LPL: variants seen among roughly 807,000 people sequenced by gnomAD.
The protein encoded by LPL is phospholipase A1.
LPL carries 43 observed loss-of-function variants against 52.2 expected under a neutral mutation model. The observed-to-expected ratio is 0.82, with a 90% CI of 0.64 to 1.06. The LOEUF is 1.06. LPL is among the 50% of genes least tolerant of loss of function. LPL has a pLI of 0.00. For missense variants in LPL, 639 were observed against 585.3 expected (o/e 1.09, Z -0.95); for synonymous variants, 244 against 215.6 (o/e 1.13, Z -1.15).
chr8:19,951,779 T>A lies in LPL; in HGVS notation c.260T>A (p.Met87Lys). ...MVIHGWTVTG[M>K]YESWVPKLVA... ...TGTCATCATCTTCAGGTAACAGGAA[T>A]GTATGAGAGTTGGGTGCCAAAACTT... The change falls in exon 3 of 10, where the codon ATG (methionine) becomes AAG (lysine). Residue 87 changes from methionine (M) to lysine (K), a missense_variant. Met to Lys is a moderately conservative substitution (Grantham distance 95, BLOSUM62 -1). Transcript: ENST00000650287. 3.7e-6 allele frequency: 6 copies of A among 1,614,154 alleles called. No individual in the cohort carries two copies. The highest frequency in any genetic ancestry group is 2.2e-5 in the East Asian group (1 of 44,872).
At chr8:19,948,986 T>A (rs1428729666) in intron 2 of LPL, among the ~76,000 whole-genome samples, 2 of 151,122 alleles carry the variant, frequency 1.3e-5, no homozygotes, top group African/African-American at 4.9e-5. Context: ...TGCCAGATGA[T>A]TAGAAAAAGT....
At position 19,953,438 on chromosome 8, in the gene LPL, G is replaced by A. The variant is rs373687308; in HGVS notation, c.541+17G>A. On this transcript the variant is annotated intron_variant, in intron 4 of 9. Coordinates refer to ENST00000650287, the MANE Select transcript of LPL (RefSeq NM_000237.3). ...GAATTACTGGTAAGAAAGCAATTTC[G>A]TTGGTCTTATCATAAGAGGTGAAAA... is the stretch of plus-strand genomic sequence containing the variant. The A allele has an allele frequency of 6.3e-5, 99 of 1,582,534 alleles. 1 individual carries two copies. Among genetic ancestry groups the A allele is most frequent in the South Asian group, 5.0e-4 (45 of 90,460 alleles).
chr8:19,951,682 T>C, intron 2 of LPL, 87 bp from the exon 3 acceptor site: 1 of 1,464,488 alleles, frequency 6.8e-7, no homozygotes, highest in South Asian at 1.1e-5. Flanking sequence ...AGTTTGTTTT[T>C]TCCATTTCAT....
At chr8:19,947,999 G>A (rs1318094299) in intron 1 of LPL, among the ~76,000 whole-genome samples, 181 bp from the exon 2 acceptor site, 2 of 152,202 alleles carry the variant, frequency 1.3e-5, no homozygotes, top group East Asian at 1.9e-4. Context: ...TTGTCTCTCT[G>A]TCAACTTTGC....
intron 1 of LPL, among the ~76,000 whole-genome samples, chr8:19,942,787 G>A (rs114624068): frequency 1.2e-4 from 18 of 152,172 alleles, no homozygotes; most frequent in Admixed American, 4.6e-4. Flanking sequence ...GCCATTTTAA[G>A]ATTGTCTGTG....
chr8:19,955,225 A>G (rs1049998559), intron 5 of LPL, among the ~76,000 whole-genome samples: 7 of 152,214 alleles, frequency 4.6e-5, no homozygotes, highest in Admixed American at 1.3e-4. Context: ...TCAATTGTAC[A>G]TAATATCAAT....
At position 19,954,195 on chromosome 8, in the gene LPL, T is replaced by C; in HGVS notation, c.617T>C (p.Val206Ala). Residue 206 changes from valine to alanine, a missense_variant, in exon 5 of 10, where the codon GTA becomes GCA. Physicochemically the swap from Val to Ala is moderately conservative, Grantham distance 64. Transcript: ENST00000650287. Reference sequence around the variant, plus strand: ...CTTTCTCCTGATGATGCAGATTTTGTAGACGTCTTACACACATTCACCAGA... The same window carrying C: ...CTTTCTCCTGATGATGCAGATTTTGCAGACGTCTTACACACATTCACCAGA... Reference protein sequence around the residue: ...SRLSPDDADFVDVLHTFTRGS... With the variant: ...SRLSPDDADFADVLHTFTRGS... 1.2e-6 allele frequency: 2 copies of C among 1,614,216 alleles called. No homozygotes were observed. Among genetic ancestry groups the C allele is most frequent in the Non-Finnish European group, 1.7e-6 (2 of 1,180,042 alleles).
intron 5 of LPL, 127 bp from the exon 6 acceptor site, chr8:19,955,714 T>C: frequency 8.1e-7 from 1 of 1,235,960 alleles, no homozygotes; most frequent in Non-Finnish European, 1.2e-6. Context: ...CAATCATAAA[T>C]GCACAGGACT....
chr8:19,957,271 A>G (rs541114183), intron 6 of LPL, among the ~76,000 whole-genome samples: 1 of 152,296 alleles, frequency 6.6e-6, no homozygotes, highest in South Asian at 2.1e-4. Flanking sequence ...AGAGGGACCA[A>G]CTTCAGGAAG....
At chr8:19,948,408 T>C in intron 2 of LPL, 68 bp downstream of exon 2, 10 of 1,582,628 alleles carry the variant, frequency 6.3e-6, no homozygotes, top group Non-Finnish European at 8.6e-6. Context: ...TGCCCAATTG[T>C]TGGGGACCCA....
rs249 is a variant in LPL at position 19,953,495 on chromosome 8, T to C, written c.541+74T>C. 0.079 allele frequency: 87,593 copies of C among 1,103,958 alleles called. 3,753 individuals carry two copies. The highest frequency in any genetic ancestry group is 0.14 in the African/African-American group (8,874 of 62,272). 68.4% of individuals were successfully genotyped at this position (1,103,958 alleles called of 1,614,324 possible). ...CATTCTGAGAGAGAATCAGAACAAATTTTGTTAAATACCCACATGTGTGGT... is the reference window on the plus strand; with the variant it reads ...CATTCTGAGAGAGAATCAGAACAAACTTTGTTAAATACCCACATGTGTGGT... On this transcript the variant is annotated intron_variant, in intron 4 of 9. Transcript: ENST00000650287.
chr8:19,957,230 T>C (rs999530046), intron 6 of LPL, among the ~76,000 whole-genome samples: 11 of 151,970 alleles, frequency 7.2e-5, no homozygotes, highest in Non-Finnish European at 1.5e-4. Flanking sequence ...GGTCGGAAAA[T>C]GAGAGAGGAG....
chr8:19,947,123 T>C (rs547364352), intron 1 of LPL, among the ~76,000 whole-genome samples: 4 of 152,320 alleles, frequency 2.6e-5, no homozygotes, highest in South Asian at 4.1e-4. Flanking sequence ...TTTTGAAGTA[T>C]ATCTTGCCAT....
At position 19,955,843 on chromosome 8, in the gene LPL, G is replaced by A; in HGVS notation, c.778G>A (p.Val260Met). 2 of 1,614,124 alleles carry A rather than the reference G, an allele frequency of 1.2e-6. No individual in the cohort carries two copies. The highest frequency in any genetic ancestry group is 1.1e-5 in the South Asian group (1 of 91,084). ...RVIAERGLGD[V>M]DQLVKCSHER... ...CTTGGTGTCTCTTTTTTACCCAGAT[G>A]TGGACCAGCTAGTGAAGTGCTCCCA... is the stretch of plus-strand genomic sequence containing the variant. The change falls in exon 6 of 10, where the codon GTG becomes ATG. Residue 260 changes from valine (V) to methionine (M), a missense_variant and splice_region_variant. Val to Met is a conservative substitution (Grantham distance 21, BLOSUM62 1). Transcript: ENST00000650287.
chr8:19,951,596 T>G (rs902301948), intron 2 of LPL, 173 bp from the exon 3 acceptor site: 2 of 777,244 alleles, frequency 2.6e-6, no homozygotes, highest in Admixed American at 3.6e-5. Flanking sequence ...TAGATCTGCC[T>G]TGGAAGGGAC....
At chr8:19,963,330 G>T (rs2070056577) in intron 9 of LPL, among the ~76,000 whole-genome samples, 1 of 151,886 alleles carries the variant, frequency 6.6e-6, no homozygotes, top group South Asian at 2.1e-4. Context: ...CAGCTACTCG[G>T]CAGGCTGAGG....
chr8:19,948,979 C>G (rs754967299), intron 2 of LPL, among the ~76,000 whole-genome samples: 1 of 151,132 alleles, frequency 6.6e-6, no homozygotes, highest in African/African-American at 2.4e-5. Flanking sequence ...GCTGACATGC[C>G]AGATGATTAG....
At chr8:19,941,757 A>T (rs1258918247) in intron 1 of LPL, among the ~76,000 whole-genome samples, 1 of 152,146 alleles carries the variant, frequency 6.6e-6, no homozygotes, top group Non-Finnish European at 1.5e-5. Flanking sequence ...CAGGGAGAGA[A>T]AGATGTCACC....
At chr8:19,942,315 T>C (rs1005178362) in intron 1 of LPL, among the ~76,000 whole-genome samples, 3 of 152,138 alleles carry the variant, frequency 2.0e-5, no homozygotes, top group Non-Finnish European at 4.4e-5. Context: ...AAAGACTGCA[T>C]TGACTTAAAT....
Sources: allele counts gnomAD v4.1 joint callset (sites outside exome capture counted in the v4.1 genomes callset), GRCh38; gene constraint gnomAD v4.1.1; transcripts MANE v1.5; gene names NCBI Gene and HGNC (gene_info 2026-07-23, HGNC 2026-07-21).